The following ZMAT4 variants were observed in gnomAD, a reference collection of about 807,000 sequenced individuals.
The protein encoded by ZMAT4 is zinc finger matrin-type 4.
A neutral mutation model predicts 28.7 loss-of-function variants in ZMAT4; 17 were observed. That is an observed-to-expected ratio of 0.59 (90% CI 0.41 to 0.89). The LOEUF is 0.89. ZMAT4 is among the 40% of genes least tolerant of loss of function. The pLI is 0.00. For missense variants in ZMAT4, 240 were observed against 283.8 expected, an observed-to-expected ratio of 0.85 and a Z score of 1.11; for synonymous variants, 117 against 109.2, an observed-to-expected ratio of 1.07 and a Z score of -0.44.
intron 1 of ZMAT4, among the ~76,000 whole-genome samples, chr8:40,832,540 C>T (rs1351390269): frequency 6.6e-6 from 1 of 152,146 alleles, no homozygotes; most frequent in Non-Finnish European, 1.5e-5. Flanking sequence ...GCCCCCTGCT[C>T]ACCCATGCCA....
chr8:40,799,509 G>A (rs928266671), intron 2 of ZMAT4, among the ~76,000 whole-genome samples: 4 of 152,006 alleles, frequency 2.6e-5, no homozygotes, highest in African/African-American at 9.7e-5. Flanking sequence ...TTTATCCTGA[G>A]GGCTCTGAGG....
At chr8:40,819,473 C>T (rs1348695329) in intron 2 of ZMAT4, among the ~76,000 whole-genome samples, 1 of 152,130 alleles carries the variant, frequency 6.6e-6, no homozygotes, top group Admixed American at 6.6e-5. Flanking sequence ...CCCCCACCTT[C>T]AGCCCCTAGC....
At chr8:40,703,332 C>T (rs1242090013) in intron 3 of ZMAT4, among the ~76,000 whole-genome samples, 1 of 152,118 alleles carries the variant, frequency 6.6e-6, no homozygotes, top group African/African-American at 2.4e-5. Flanking sequence ...CAAATGTCTG[C>T]CAACTGCAGA....
intron 2 of ZMAT4, among the ~76,000 whole-genome samples, chr8:40,794,492 C>T (rs959873048): frequency 4.6e-5 from 7 of 152,206 alleles, no homozygotes; most frequent in African/African-American, 1.7e-4. Flanking sequence ...GCCCACAGTC[C>T]TGCTTCTCTA....
intron 6 of ZMAT4, among the ~76,000 whole-genome samples, chr8:40,536,540 C>G (rs886302114): frequency 1.3e-5 from 2 of 152,142 alleles, no homozygotes; most frequent in South Asian, 2.1e-4. Context: ...TTATTCCTTG[C>G]GATTACTCCA....
intron 3 of ZMAT4, 67 bp downstream of exon 3, chr8:40,767,574 A>G: frequency 7.3e-7 from 1 of 1,368,196 alleles, no homozygotes; most frequent in South Asian, 1.4e-5. Flanking sequence ...TACAATTCCT[A>G]CACCTGCAAA....
At chr8:40,610,304 G>A (rs1434036482) in intron 5 of ZMAT4, among the ~76,000 whole-genome samples, 2 of 152,028 alleles carry the variant, frequency 1.3e-5, no homozygotes, top group Non-Finnish European at 2.9e-5. Context: ...AGAACACCTG[G>A]GTGTATACTT....
At chr8:40,661,829 C>T (rs774794990) in intron 5 of ZMAT4, among the ~76,000 whole-genome samples, 7 of 152,280 alleles carry the variant, frequency 4.6e-5, no homozygotes, top group African/African-American at 7.2e-5. Context: ...TGAGCTTAAA[C>T]TAAACAATAG....
chr8:40,562,032 C>T (rs1369514343), intron 6 of ZMAT4, among the ~76,000 whole-genome samples: 2 of 152,132 alleles, frequency 1.3e-5, no homozygotes, highest in Admixed American at 6.5e-5. Flanking sequence ...GCCTAGGGCA[C>T]GGTTCTTTCT....
intron 1 of ZMAT4, among the ~76,000 whole-genome samples, chr8:40,881,599 A>AAAGAAAGAAAG (rs750851490): frequency 0.015 from 1,169 of 77,914 alleles, 59 homozygotes; most frequent in East Asian, 0.026. Context: ...AGAAAGAAAG[A>AAAGAAAGAAAG]AAAGAAAAGA....
At chr8:40,581,370 T>C (rs543142095) in intron 5 of ZMAT4, 109 bp from the exon 6 acceptor site, 2 of 831,682 alleles carry the variant, frequency 2.4e-6, no homozygotes, top group Non-Finnish European at 4.0e-6. Flanking sequence ...TAACTCCTGA[T>C]CTACCCCACC....
chr8:40,597,465 C>T (rs953367774), intron 5 of ZMAT4, among the ~76,000 whole-genome samples: 3 of 152,170 alleles, frequency 2.0e-5, no homozygotes, highest in Admixed American at 6.5e-5. Context: ...GTGTGGGGGT[C>T]GCCCTCAGCT....
At chr8:40,590,712 A>AGTGTGTGT (rs3221714) in intron 5 of ZMAT4, among the ~76,000 whole-genome samples, 30,742 of 150,318 alleles carry the variant, frequency 0.2, 3,637 homozygotes, top group Non-Finnish European at 0.28. Context: ...TTTCAGTATA[A>AGTGTGTGT]GTGTGTGTGT....
chr8:40,563,712 T>TA (rs1306430360), intron 6 of ZMAT4, among the ~76,000 whole-genome samples: 2 of 152,126 alleles, frequency 1.3e-5, no homozygotes, highest in Non-Finnish European at 2.9e-5. Flanking sequence ...CTTGATAAGG[T>TA]ATCTCTCTCC....
intron 6 of ZMAT4, among the ~76,000 whole-genome samples, chr8:40,567,406 A>G (rs1223602417): frequency 6.6e-6 from 1 of 152,134 alleles, no homozygotes; most frequent in African/African-American, 2.4e-5. Flanking sequence ...TTCTTAACAC[A>G]ATATAGAATG....
At chr8:40,657,323 C>G (rs986217517) in intron 5 of ZMAT4, among the ~76,000 whole-genome samples, 1 of 152,048 alleles carries the variant, frequency 6.6e-6, no homozygotes, top group Admixed American at 6.6e-5. Flanking sequence ...TTCAGTATAG[C>G]CTGAAGAACT....
chr8:40,810,929 G>A (rs1464207517), intron 2 of ZMAT4, among the ~76,000 whole-genome samples: 3 of 152,120 alleles, frequency 2.0e-5, no homozygotes, highest in Non-Finnish European at 4.4e-5. Context: ...AGTTGTTCAA[G>A]CTTTATAATA....
At chr8:40,632,063 G>T (rs542794922) in intron 5 of ZMAT4, among the ~76,000 whole-genome samples, 1 of 152,240 alleles carries the variant, frequency 6.6e-6, no homozygotes, top group Non-Finnish European at 1.5e-5. Flanking sequence ...TTTCCTGCCT[G>T]GTCCAACTGG....
intron 5 of ZMAT4, among the ~76,000 whole-genome samples, chr8:40,663,949 C>G (rs2118864489): frequency 6.6e-6 from 1 of 152,176 alleles, no homozygotes; most frequent in East Asian, 1.9e-4. Flanking sequence ...TTATTTGACA[C>G]TAGTTTCTGT....
Sources: allele counts gnomAD v4.1 joint callset (sites outside exome capture counted in the v4.1 genomes callset), GRCh38; gene constraint gnomAD v4.1.1; transcripts MANE v1.5; gene names NCBI Gene and HGNC (gene_info 2026-07-23, HGNC 2026-07-21).